Variants in KLF8 observed in about 807,000 individuals in gnomAD.
KLF8 encodes KLF transcription factor 8.
A neutral mutation model predicts 18.2 loss-of-function variants in KLF8; 10 were observed. The observed-to-expected ratio is 0.55, with a 90% CI of 0.34 to 0.93. The LOEUF (loss-of-function observed/expected upper bound fraction) is 0.93. Among genes scored for constraint, KLF8 ranks in the 40% least tolerant of loss-of-function variants. The pLI is 0.02. For synonymous variants in KLF8, 109 were observed against 97.3 expected (o/e 1.12, Z -0.71); for missense variants, 264 against 277.9 (o/e 0.95, Z 0.36).
chrX:56,156,056 T>C, the KLF8 span, among the ~76,000 whole-genome samples: 1 of 112,100 alleles, frequency 8.9e-6, no homozygotes, highest in Non-Finnish European at 1.9e-5. Flanking sequence ...AATCTACCAT[T>C]GATGGGCACC....
chrX:56,173,625 A>G, the KLF8 span, among the ~76,000 whole-genome samples: 1 of 111,813 alleles, frequency 8.9e-6, no homozygotes, highest in Admixed American at 9.5e-5. Flanking sequence ...GTTTTTTCCA[A>G]TTCTGTGAAG....
At position 56,287,282 on chromosome X, in the gene KLF8, T is replaced by C. The variant is rs939161487; in HGVS notation, c.*2788T>C. ...TCCCCTACAAAAAATGATAAAAGCT[T>C]TCCAATTACTTACATATGCTCTAAC... On this transcript the variant is annotated 3_prime_UTR_variant, in exon 6 of 6. Coordinates refer to ENST00000468660, the MANE Select transcript of KLF8 (RefSeq NM_007250.5). 2 of 112,040 alleles carry C rather than the reference T, an allele frequency of 1.8e-5. No individual in the cohort carries two copies. The highest frequency in any genetic ancestry group is 3.8e-5 in the Non-Finnish European group (2 of 53,238). 9.2% of individuals were successfully genotyped at this position (112,040 alleles called of 1,213,427 possible).
At chrX:56,036,711 T>C in the KLF8 span, among the ~76,000 whole-genome samples, 3 of 111,954 alleles carry the variant, frequency 2.7e-5, no homozygotes, top group South Asian at 1.1e-3. Context: ...TTTTTTTCTT[T>C]GAAGAATGTT....
At chrX:56,058,227 T>C in the KLF8 span, among the ~76,000 whole-genome samples, 1 of 25,817 alleles carries the variant, frequency 3.9e-5, no homozygotes, top group Non-Finnish European at 1.0e-4. Flanking sequence ...CGTGTATATA[T>C]ATATACACAC....
At chrX:56,196,153 C>T in the KLF8 span, among the ~76,000 whole-genome samples, 1 of 111,514 alleles carries the variant, frequency 9.0e-6, no homozygotes, top group Admixed American at 9.6e-5. Context: ...ACCATCCATG[C>T]CATGGAGAAA....
the KLF8 span, among the ~76,000 whole-genome samples, chrX:55,924,849 C>CTTTTTTTTTTTTTTTTTTTTTTT: frequency 2.3e-5 from 1 of 42,937 alleles, no homozygotes; most frequent in Non-Finnish European, 3.8e-5. Flanking sequence ...TTGTTTTTTG[C>CTTTTTTTTTTTTTTTTTTTTTTT]TTTTTTTTTT....
chrX:56,142,956 C>T, the KLF8 span, among the ~76,000 whole-genome samples: 1 of 111,615 alleles, frequency 9.0e-6, no homozygotes. Context: ...TTTGCTTGTC[C>T]CTGGCCTAAC....
chrX:56,008,508 C>T, the KLF8 span, among the ~76,000 whole-genome samples: 4 of 112,132 alleles, frequency 3.6e-5, no homozygotes, highest in South Asian at 3.8e-4. Flanking sequence ...TTTCCTTCCA[C>T]GGATTTGTGC....
chrX:55,985,315 A>G, the KLF8 span, among the ~76,000 whole-genome samples: 1 of 111,988 alleles, frequency 8.9e-6, no homozygotes, highest in Non-Finnish European at 1.9e-5. Context: ...GGTGTAAGCA[A>G]TTTTTAATTC....
the KLF8 span, among the ~76,000 whole-genome samples, chrX:56,149,190 T>C: frequency 8.9e-6 from 1 of 111,752 alleles, no homozygotes; most frequent in African/African-American, 3.2e-5. Context: ...ATATCTATAA[T>C]ATCTGAATAG....
chrX:56,129,406 G>C, the KLF8 span, among the ~76,000 whole-genome samples: 2 of 112,086 alleles, frequency 1.8e-5, no homozygotes, highest in Non-Finnish European at 3.8e-5. Context: ...CACTCTCACT[G>C]GGGAACCTGA....
chrX:56,057,169 G>A, the KLF8 span, among the ~76,000 whole-genome samples: 11 of 111,790 alleles, frequency 9.8e-5, no homozygotes, highest in African/African-American at 2.6e-4. Context: ...TCTGGGGGGC[G>A]TAGGTCTGTG....
the KLF8 span, among the ~76,000 whole-genome samples, chrX:55,956,739 A>G: frequency 8.9e-6 from 1 of 111,926 alleles, no homozygotes; most frequent in African/African-American, 3.2e-5. Context: ...TCAGTTGCCC[A>G]TTTGTATTTC....
the KLF8 span, among the ~76,000 whole-genome samples, chrX:56,200,550 T>C: frequency 9.1e-6 from 1 of 109,957 alleles, no homozygotes; most frequent in Non-Finnish European, 1.9e-5. Context: ...ATCATTCACA[T>C]TGGTCTTGGC....
the KLF8 span, among the ~76,000 whole-genome samples, chrX:55,949,735 G>A: frequency 2.2e-4 from 24 of 108,767 alleles, no homozygotes; most frequent in African/African-American, 6.4e-4. Context: ...GGGTTGCAGT[G>A]AGCCAAGATT....
the KLF8 span, among the ~76,000 whole-genome samples, chrX:55,942,192 G>A: frequency 7.2e-5 from 8 of 111,258 alleles, no homozygotes; most frequent in African/African-American, 2.0e-4. Context: ...CAGCCATAAA[G>A]AATGATGAGT....
the KLF8 span, among the ~76,000 whole-genome samples, chrX:55,928,706 T>A: frequency 8.9e-5 from 10 of 112,189 alleles, no homozygotes; most frequent in Non-Finnish European, 1.5e-4. Flanking sequence ...GAACTCATCC[T>A]TTTTCATGGC....
chrX:56,086,730 A>G, the KLF8 span, among the ~76,000 whole-genome samples: 1 of 111,344 alleles, frequency 9.0e-6, no homozygotes, highest in African/African-American at 3.3e-5. Context: ...GGAGGTGATT[A>G]GTCAGTCTAA....
the KLF8 span, among the ~76,000 whole-genome samples, chrX:56,011,779 T>A: frequency 9.0e-6 from 1 of 111,686 alleles, no homozygotes; most frequent in African/African-American, 3.3e-5. Flanking sequence ...GTGATATCAC[T>A]ACTGATCCCA....
Sources: allele counts gnomAD v4.1 joint callset (sites outside exome capture counted in the v4.1 genomes callset), GRCh38; gene constraint gnomAD v4.1.1; transcripts MANE v1.5; gene names NCBI Gene and HGNC (gene_info 2026-07-23, HGNC 2026-07-21).